Variants in NOX5 observed in about 807,000 individuals in gnomAD.
NOX5 encodes NADPH oxidase 5, also known as NADPH oxidase, EF-hand calcium binding domain 5.
Under a neutral mutation model 85.7 loss-of-function variants are expected in NOX5, and 76 were observed. The ratio of observed to expected loss-of-function variants is 0.89; its 90% confidence interval spans 0.74 to 1.07. NOX5 has a LOEUF of 1.07. Among genes scored for constraint, NOX5 ranks in the 50% least tolerant of loss-of-function variants. The pLI is 0.00. For synonymous variants in NOX5, 405 were observed against 401.4 expected (o/e 1.01, Z -0.11); for missense variants, 973 against 999.5 (o/e 0.97, Z 0.36).
At chr15:69,045,597 T>C (rs1267432448) in intron 10 of NOX5, among the ~76,000 whole-genome samples, 12 of 133,170 alleles carry the variant, frequency 9.0e-5, no homozygotes, top group African/African-American at 1.7e-4. Flanking sequence ...TTTCTTTCTT[T>C]CTTTTTTTTT....
At chr15:69,049,563 C>T (rs2140278866) in intron 14 of NOX5, among the ~76,000 whole-genome samples, 1 of 152,270 alleles carries the variant, frequency 6.6e-6, no homozygotes, top group African/African-American at 2.4e-5. Context: ...CAGATGACAT[C>T]AGGCATTTTA....
In NOX5 at chr15:69,047,502, C is replaced by A; in HGVS notation, c.1782C>A (p.Thr594=). 1 of 1,614,014 alleles carries A rather than the reference C, an allele frequency of 6.2e-7. No homozygotes were observed. Among genetic ancestry groups the A allele is most frequent in the African/African-American group, 1.3e-5 (1 of 75,028 alleles). The change falls in exon 12 of 16, where the codon ACC becomes ACA. Residue 594 remains threonine (T), a synonymous_variant. Transcript: ENST00000388866. ...AVLIGAGIGI[T]PFASILQSIM... ...TCATCGGGGCAGGCATCGGCATCAC[C>A]CCCTTTGCTTCCATTCTGCAGAGTA...
In NOX5 at chr15:69,047,503, C is replaced by G. The variant is rs1213407564; in HGVS notation, c.1783C>G (p.Pro595Ala). Residue 595 changes from proline to alanine, a missense_variant, in exon 12 of 16, where the codon CCC (proline) becomes GCC (alanine). Coordinates refer to ENST00000388866, the MANE Select transcript of NOX5 (RefSeq NM_024505.4). The part of the protein sequence containing the change: ...VLIGAGIGIT[P>A]FASILQSIMY... ...CATCGGGGCAGGCATCGGCATCACC[C>G]CCTTTGCTTCCATTCTGCAGAGTAT... 1 of 1,613,898 alleles carries G rather than the reference C, an allele frequency of 6.2e-7. No individual in the cohort carries two copies. Among genetic ancestry groups the G allele is most frequent in the Non-Finnish European group, 8.5e-7 (1 of 1,179,998 alleles).
chr15:69,038,767 G>A lies in NOX5; in HGVS notation c.1372-90G>A. 4 of 1,577,210 alleles carry A rather than the reference G, an allele frequency of 2.5e-6. 1 individual carries two copies. In the South Asian group the frequency reaches 3.3e-5, roughly 13 times the overall value. ...GGGGCATGCCTGTTTTATGGAGGAGGAGGGCAGCCCAGCTTCTGCCCTCTT... is the reference window on the plus strand; with the variant it reads ...GGGGCATGCCTGTTTTATGGAGGAGAAGGGCAGCCCAGCTTCTGCCCTCTT... On this transcript the variant is annotated intron_variant, in intron 8 of 15. Transcript: ENST00000388866.
At chr15:69,055,244 A>C in intron 14 of NOX5, 90 bp from the exon 15 acceptor site, 1 of 1,406,666 alleles carries the variant, frequency 7.1e-7, no homozygotes, top group Non-Finnish European at 9.7e-7. Context: ...TCTCCTTCCA[A>C]GCCCCAGGGT....
chr15:69,052,638 A>G (rs966567036), intron 14 of NOX5, among the ~76,000 whole-genome samples: 14 of 152,248 alleles, frequency 9.2e-5, no homozygotes, highest in African/African-American at 3.4e-4. Context: ...TATACATTCA[A>G]GGAATCAAAC....
At chr15:69,039,638 C>G (rs1040173536) in intron 9 of NOX5, among the ~76,000 whole-genome samples, 1 of 152,178 alleles carries the variant, frequency 6.6e-6, no homozygotes, top group Non-Finnish European at 1.5e-5. Context: ...GGAGACCAGG[C>G]TTCCCTACTC....
At chr15:69,056,476 A>T (rs2050812963) in intron 15 of NOX5, 89 bp from the exon 16 acceptor site, 2 of 1,533,148 alleles carry the variant, frequency 1.3e-6, no homozygotes, top group African/African-American at 1.4e-5. Flanking sequence ...CCGACCCGTT[A>T]TGCTGTTACC....
At chr15:69,015,939 G>T (rs1451317072) in intron 1 of NOX5, among the ~76,000 whole-genome samples, 2 of 151,422 alleles carry the variant, frequency 1.3e-5, no homozygotes, top group South Asian at 2.1e-4. Context: ...GGAGAAGTGT[G>T]TGGGGCTGGG....
chr15:69,042,706 C>A lies in NOX5; in HGVS notation c.1548C>A (p.Asn516Lys). ...LHIRSQGQWTNRLYESFKASD... is the reference protein window; with the variant it reads ...LHIRSQGQWTKRLYESFKASD... ...TTCGGTCCCAAGGCCAGTGGACAAACAGGCTGTATGAGTCCTTCAAGGCAT... is the reference window on the plus strand; with the variant it reads ...TTCGGTCCCAAGGCCAGTGGACAAAAAGGCTGTATGAGTCCTTCAAGGCAT... Residue 516 changes from asparagine to lysine, a missense_variant, in exon 10 of 16, where the codon AAC becomes AAA. Transcript: ENST00000388866. 1.2e-6 allele frequency: 2 copies of A among 1,614,086 alleles called. No individual in the cohort carries two copies. Among genetic ancestry groups the A allele is most frequent in the Non-Finnish European group, 1.7e-6 (2 of 1,180,008 alleles).
Position 69,014,919 on chromosome 15 carries a change from C to G in NOX5, c.50+134C>G, listed in dbSNP as rs555020813. 4.4e-4 allele frequency: 308 copies of G among 693,226 alleles called. 4 individuals carry two copies. The South Asian group carries it at 5.5e-3, about 12-fold the overall frequency. The allele number at this position is 693,226 out of a possible 1,614,324, so 42.9% of individuals were successfully genotyped here. ...CAGAAGATCTGAGCTCTATTCTTGC[C>G]TTGCTACTAGCAAGCTGGGCAATCT... On this transcript the variant is annotated intron_variant, in intron 1 of 15. Transcript: ENST00000388866.
chr15:69,050,824 T>C (rs564307769), intron 14 of NOX5, among the ~76,000 whole-genome samples: 5 of 152,214 alleles, frequency 3.3e-5, no homozygotes, highest in Non-Finnish European at 7.3e-5. Context: ...CGGGATTAAT[T>C]TAACCCCAGT....
At chr15:69,045,488 TCCTCCCTC>T (rs1040892870) in intron 10 of NOX5, among the ~76,000 whole-genome samples, 1 of 143,002 alleles carries the variant, frequency 7.0e-6, no homozygotes, top group Non-Finnish European at 1.5e-5. Context: ...CTTCCTCCCT[TCCTCCCTC>T]CCTCCCTCTC....
chr15:69,045,851 A>C (rs542431599), intron 10 of NOX5: 2 of 152,302 alleles, frequency 1.3e-5, no homozygotes, highest in East Asian at 3.9e-4. Context: ...CTCACAGCAT[A>C]ACTCTCAAAC....
chr15:69,024,215 A>T (rs1343165122), intron 1 of NOX5: 1 of 152,190 alleles, frequency 6.6e-6, no homozygotes, highest in African/African-American at 2.4e-5. Flanking sequence ...GTCCTCACAT[A>T]AAAAATGAGA....
chr15:69,022,166 G>A (rs1338672455), intron 1 of NOX5: 1 of 160,280 alleles, frequency 6.2e-6, no homozygotes, highest in African/African-American at 2.4e-5. Flanking sequence ...AGCAGAGTGA[G>A]TAAATAGTGA....
intron 10 of NOX5, among the ~76,000 whole-genome samples, chr15:69,044,013 G>A (rs1480306531): frequency 6.6e-6 from 1 of 152,034 alleles, no homozygotes; most frequent in Non-Finnish European, 1.5e-5. Context: ...GTGAAACCAC[G>A]TCTCTACTAA....
rs1176392337 is a variant in NOX5 at position 69,033,173 on chromosome 15, C to T, written c.751C>T (p.Leu251=). The change falls in exon 5 of 16, where the codon CTG becomes TTG. Residue 251 remains leucine (L), a synonymous_variant. Coordinates refer to ENST00000388866, the MANE Select transcript of NOX5 (RefSeq NM_024505.4). ...GGCCACCTATGCAGGCCTCCACGTG[C>T]TGCTCTTCGGGCTGGCGGCCAGCGC... The part of the protein sequence containing the change: ...CLATYAGLHV[L]LFGLAASAHR... 5.0e-6 allele frequency: 8 copies of T among 1,587,864 alleles called. No individual in the cohort carries two copies. The South Asian group carries it at 9.1e-5, about 18-fold the overall frequency.
chr15:69,025,146 G>A (rs1254359404), intron 1 of NOX5, among the ~76,000 whole-genome samples: 2 of 152,134 alleles, frequency 1.3e-5, no homozygotes, highest in Non-Finnish European at 2.9e-5. Flanking sequence ...TTTGTCAAAC[G>A]ATCAATAAGT....
Sources: allele counts gnomAD v4.1 joint callset (sites outside exome capture counted in the v4.1 genomes callset), GRCh38; gene constraint gnomAD v4.1.1; transcripts MANE v1.5; gene names NCBI Gene and HGNC (gene_info 2026-07-23, HGNC 2026-07-21).